DNM3: variants seen among roughly 807,000 people sequenced by gnomAD.
DNM3 encodes the protein dynamin-3.
Under a neutral mutation model 101.6 loss-of-function variants are expected in DNM3, and 47 were observed. That is an observed-to-expected ratio of 0.46 (90% CI 0.37 to 0.59). The LOEUF is 0.59. Ranked by LOEUF, DNM3 falls within the 20% of genes least tolerant of loss-of-function variation. The probability of loss-of-function intolerance (pLI) is 0.00; values close to 1 mark genes in which losing one functional copy is unlikely to be tolerated. For synonymous variants in DNM3, 385 were observed against 387.9 expected, an observed-to-expected ratio of 0.99 and a Z score of 0.09; for missense variants, 849 against 1,085.7, an observed-to-expected ratio of 0.78 and a Z score of 3.06.
chr1:171,963,736 G>T (rs2043372526), intron 2 of DNM3, among the ~76,000 whole-genome samples: 1 of 148,956 alleles, frequency 6.7e-6, no homozygotes, highest in Admixed American at 6.8e-5. Flanking sequence ...TCTCTATATA[G>T]ATATTATATA....
intron 11 of DNM3, among the ~76,000 whole-genome samples, chr1:172,075,258 A>C (rs2052558300): frequency 6.6e-6 from 1 of 151,784 alleles, no homozygotes; most frequent in Non-Finnish European, 1.5e-5. Context: ...CCCATTCTAT[A>C]GGTTGCCTTT....
chr1:171,931,023 G>C (rs2040964673), intron 2 of DNM3, among the ~76,000 whole-genome samples: 2 of 152,162 alleles, frequency 1.3e-5, no homozygotes. Context: ...CCAGGCATTA[G>C]AGACCAGCCT....
At chr1:172,068,947 G>A in intron 11 of DNM3, 42 bp downstream of exon 11, 2 of 1,527,674 alleles carry the variant, frequency 1.3e-6, no homozygotes, top group Non-Finnish European at 1.8e-6. Flanking sequence ...GATTGTGGGA[G>A]GTCGAAGGTC....
chr1:172,198,477 G>T (rs2060034781), intron 14 of DNM3, among the ~76,000 whole-genome samples: 2 of 152,186 alleles, frequency 1.3e-5, no homozygotes, highest in Middle Eastern at 3.4e-3. Flanking sequence ...AATGGTATCT[G>T]TAGGAATGGT....
chr1:172,236,005 G>A (rs542230487), intron 14 of DNM3, among the ~76,000 whole-genome samples: 2 of 152,116 alleles, frequency 1.3e-5, no homozygotes. Context: ...AAAAAAATAA[G>A]TAAAAAACAT....
chr1:172,163,906 T>C (rs936671800), intron 14 of DNM3, among the ~76,000 whole-genome samples: 2 of 151,780 alleles, frequency 1.3e-5, no homozygotes, highest in African/African-American at 2.4e-5. Context: ...TATGCACATG[T>C]GTATATATGT....
At chr1:172,209,185 A>G (rs1252816123) in intron 14 of DNM3, among the ~76,000 whole-genome samples, 1 of 152,034 alleles carries the variant, frequency 6.6e-6, no homozygotes, top group Non-Finnish European at 1.5e-5. Flanking sequence ...ATTTTGACAT[A>G]CAATGAGACA....
At chr1:172,332,980 G>C (rs1407078057) in intron 17 of DNM3, among the ~76,000 whole-genome samples, 1 of 152,046 alleles carries the variant, frequency 6.6e-6, no homozygotes, top group East Asian at 1.9e-4. Flanking sequence ...TTGGCACCTA[G>C]GAAGAAAGTG....
chr1:171,883,835 G>A (rs2036537310), intron 1 of DNM3, among the ~76,000 whole-genome samples: 1 of 152,122 alleles, frequency 6.6e-6, no homozygotes, highest in East Asian at 1.9e-4. Flanking sequence ...TTTTCATAGT[G>A]GACTTACTCA....
At chr1:172,322,406 G>A (rs759273205) in intron 16 of DNM3, among the ~76,000 whole-genome samples, 22 of 152,280 alleles carry the variant, frequency 1.4e-4, no homozygotes, top group Non-Finnish European at 2.8e-4. Context: ...TCCCCCACAG[G>A]ATCTGACCTT....
intron 2 of DNM3, among the ~76,000 whole-genome samples, chr1:171,934,708 C>G (rs2041277768): frequency 6.6e-6 from 1 of 152,120 alleles, no homozygotes; most frequent in South Asian, 2.1e-4. Context: ...TGTGGGATGT[C>G]AGGACACTCA....
At chr1:172,074,000 A>G in intron 11 of DNM3, among the ~76,000 whole-genome samples, 1 of 152,206 alleles carries the variant, frequency 6.6e-6, no homozygotes, top group East Asian at 1.9e-4. Flanking sequence ...CCTAGAGATT[A>G]TAAGTATCTT....
chr1:172,287,113 G>C (rs2063731580), intron 15 of DNM3, among the ~76,000 whole-genome samples: 3 of 152,166 alleles, frequency 2.0e-5, no homozygotes, highest in Non-Finnish European at 4.4e-5. Context: ...AGGAAAAGGG[G>C]CCAAGAGCTG....
At chr1:172,356,452 A>C (rs1248649972) in intron 17 of DNM3, among the ~76,000 whole-genome samples, 1 of 152,134 alleles carries the variant, frequency 6.6e-6, no homozygotes, top group Admixed American at 6.6e-5. Context: ...TTGTTATATA[A>C]GATTTACTTA....
intron 1 of DNM3, among the ~76,000 whole-genome samples, chr1:171,920,552 T>G (rs1308903033): frequency 6.6e-6 from 1 of 152,150 alleles, no homozygotes; most frequent in Admixed American, 6.5e-5. Context: ...GAACCACATT[T>G]TGAGAAAAAC....
intron 14 of DNM3, among the ~76,000 whole-genome samples, chr1:172,231,701 A>T (rs1286819777): frequency 6.6e-6 from 1 of 152,204 alleles, no homozygotes; most frequent in African/African-American, 2.4e-5. Context: ...CTTAAAAAAG[A>T]TTAGGCAAAT....
At chr1:172,092,785 A>G in intron 12 of DNM3, 39 bp from the exon 13 acceptor site, 1 of 1,527,822 alleles carries the variant, frequency 6.5e-7, no homozygotes, top group Non-Finnish European at 8.8e-7. Context: ...AAAAAATTAT[A>G]TGTGTCTCTT....
chr1:172,035,994 C>CT (rs1233427101), intron 6 of DNM3, among the ~76,000 whole-genome samples: 1 of 150,568 alleles, frequency 6.6e-6, no homozygotes, highest in Non-Finnish European at 1.5e-5. Flanking sequence ...CTTTTTTTTT[C>CT]TTTTTTTATT....
At chr1:172,230,592 C>A (rs2061297359) in intron 14 of DNM3, among the ~76,000 whole-genome samples, 1 of 152,066 alleles carries the variant, frequency 6.6e-6, no homozygotes, top group Non-Finnish European at 1.5e-5. Flanking sequence ...TAGAATGTTC[C>A]TTCAAATGAA....
Sources: allele counts gnomAD v4.1 joint callset (sites outside exome capture counted in the v4.1 genomes callset), GRCh38; gene constraint gnomAD v4.1.1; transcripts MANE v1.5; gene names NCBI Gene and HGNC (gene_info 2026-07-23, HGNC 2026-07-21).